The following FNDC1 variants were observed in gnomAD, a reference collection of about 807,000 sequenced individuals.
FNDC1 encodes the protein fibronectin type III domain containing 1, also known as fibronectin type III domain-containing protein 1.
Under a neutral mutation model 168.0 loss-of-function variants are expected in FNDC1, and 96 were observed. The observed-to-expected ratio is 0.57, with a 90% CI of 0.48 to 0.68. The LOEUF is 0.68. Ranked by LOEUF, FNDC1 falls within the 30% of genes least tolerant of loss-of-function variation. The pLI is 0.00. For missense variants in FNDC1, 2,587 were observed against 2,482.1 expected (o/e 1.04, Z -0.90); for synonymous variants, 1,099 against 1,025.9 (o/e 1.07, Z -1.36).
At chr6:159,182,246 T>C (rs1312342572) in intron 1 of FNDC1, among the ~76,000 whole-genome samples, 6 of 152,214 alleles carry the variant, frequency 3.9e-5, no homozygotes, top group Admixed American at 3.9e-4. Context: ...GGAATCTGAC[T>C]TGGGGTCCTT....
chr6:159,179,872 G>A (rs886406821), intron 1 of FNDC1, among the ~76,000 whole-genome samples: 9 of 152,156 alleles, frequency 5.9e-5, no homozygotes, highest in Admixed American at 1.3e-4. Flanking sequence ...TATGTTGACC[G>A]GCCTCCAGCA....
intron 4 of FNDC1, among the ~76,000 whole-genome samples, chr6:159,213,856 G>A (rs1261391771): frequency 6.6e-6 from 1 of 152,180 alleles, no homozygotes; most frequent in Non-Finnish European, 1.5e-5. Context: ...TATTCCTTTT[G>A]GTTAGATTCA....
chr6:159,262,119 T>TC (rs1339730588), intron 19 of FNDC1, among the ~76,000 whole-genome samples: 6 of 151,986 alleles, frequency 3.9e-5, no homozygotes, highest in Admixed American at 3.9e-4. Context: ...AAAACATAGT[T>TC]CCTATGACCT....
In FNDC1 at chr6:159,246,770, G is replaced by T. The variant is rs1272078304; in HGVS notation, c.4622-131G>T. On this transcript the variant is annotated intron_variant, in intron 14 of 22. Transcript: ENST00000297267. Reference sequence around the variant, plus strand: ...ATTTTCCTCCTGAAAAAATTATGGAGACCCTGGCCTTGGGGACTTGTTTTC... The same window carrying T: ...ATTTTCCTCCTGAAAAAATTATGGATACCCTGGCCTTGGGGACTTGTTTTC... The T allele has an allele frequency of 4.7e-6, 3 of 638,826 alleles. No individual in the cohort carries two copies. In the Admixed American group the frequency reaches 8.3e-5, roughly 18 times the overall value. The allele number at this position is 638,826 out of a possible 1,614,324, so 39.6% of individuals were successfully genotyped here. A position where few individuals can be genotyped will look rare whatever the true frequency, so the allele number is the denominator to read the frequency against.
chr6:159,214,233 T>C (rs935548519), intron 4 of FNDC1, among the ~76,000 whole-genome samples: 1 of 152,222 alleles, frequency 6.6e-6, no homozygotes, highest in Non-Finnish European at 1.5e-5. Flanking sequence ...TTATTTGATA[T>C]ACAAGCAAAA....
intron 21 of FNDC1, among the ~76,000 whole-genome samples, chr6:159,266,841 T>G (rs977845270): frequency 6.6e-6 from 1 of 152,212 alleles, no homozygotes; most frequent in Non-Finnish European, 1.5e-5. Flanking sequence ...ATTTGTTCTG[T>G]GTCCTAATAA....
intron 22 of FNDC1, among the ~76,000 whole-genome samples, chr6:159,270,214 C>G (rs1396543358): frequency 6.6e-6 from 1 of 152,054 alleles, no homozygotes; most frequent in Non-Finnish European, 1.5e-5. Context: ...GCAAGTCTGT[C>G]TTGGTTTTGT....
chr6:159,271,536 C>T lies in FNDC1; in HGVS notation c.*94C>T, dbSNP rs887231284. ...AGCAAAGACAGCCAGCGTGCTCAGCCCCGCTGCCCTAGGTGCCAGGAAGGT... is the reference window on the plus strand; with the variant it reads ...AGCAAAGACAGCCAGCGTGCTCAGCTCCGCTGCCCTAGGTGCCAGGAAGGT... On this transcript the variant is annotated 3_prime_UTR_variant, in exon 23 of 23. Coordinates refer to ENST00000297267, the MANE Select transcript of FNDC1 (RefSeq NM_032532.3). 5 of 906,292 alleles carry T rather than the reference C, an allele frequency of 5.5e-6. No homozygotes were observed. In the East Asian group the frequency reaches 1.4e-4, roughly 25 times the overall value. The allele number at this position is 906,292 out of a possible 1,614,324, so 56.1% of individuals were successfully genotyped here. A position where few individuals can be genotyped will look rare whatever the true frequency, so the allele number is the denominator to read the frequency against.
At chr6:159,212,226 C>T (rs1247516575) in intron 4 of FNDC1, among the ~76,000 whole-genome samples, 2 of 152,204 alleles carry the variant, frequency 1.3e-5, no homozygotes, top group Admixed American at 1.3e-4. Flanking sequence ...ATGTGTCCAG[C>T]CAAGTTTGAA....
Position 159,197,503 on chromosome 6 carries a change from C to T in FNDC1, c.182C>T (p.Pro61Leu), listed in dbSNP as rs1183184726. 2.5e-6 allele frequency: 4 copies of T among 1,613,986 alleles called. No homozygotes were observed. The South Asian group carries it at 3.3e-5, about 13-fold the overall frequency. ...ATGGGCCTGAAAGTCACGTGGGACC[C>T]ACCCAAAGATGCTACCAGTAGACCT... ...TKMGLKVTWD[P>L]PKDATSRPVE... The change falls in exon 2 of 23, where the codon CCA (proline) becomes CTA (leucine). Residue 61 changes from proline (P) to leucine (L), a missense_variant. Pro to Leu is a moderately conservative substitution (Grantham distance 98). Transcript: ENST00000297267.
At chr6:159,225,112 T>C (rs1160261520) in intron 7 of FNDC1, among the ~76,000 whole-genome samples, 1 of 152,136 alleles carries the variant, frequency 6.6e-6, no homozygotes, top group Non-Finnish European at 1.5e-5. Context: ...TTTGTCTTTC[T>C]TTTCTGGAGA....
intron 14 of FNDC1, among the ~76,000 whole-genome samples, 171 bp downstream of exon 14, chr6:159,240,128 A>G (rs1783387500): frequency 6.6e-6 from 1 of 152,190 alleles, no homozygotes; most frequent in Non-Finnish European, 1.5e-5. Context: ...TGCCACAGCT[A>G]AGGTTGGAAG....
intron 5 of FNDC1, among the ~76,000 whole-genome samples, chr6:159,219,947 A>T (rs767036509): frequency 6.6e-5 from 10 of 152,188 alleles, no homozygotes; most frequent in Non-Finnish European, 1.0e-4. Flanking sequence ...TAATGAACAG[A>T]TCTGAAGTGA....
intron 7 of FNDC1, among the ~76,000 whole-genome samples, chr6:159,224,215 T>C (rs1782904295): frequency 6.6e-6 from 1 of 152,234 alleles, no homozygotes; most frequent in Non-Finnish European, 1.5e-5. Context: ...TATTCTGCCT[T>C]TTATATTCAT....
In FNDC1 at chr6:159,232,330, G is replaced by A. The variant is rs769365417; in HGVS notation, c.1818G>A (p.Thr606=). The change falls in exon 11 of 23, where the codon ACG becomes ACA. Residue 606 remains threonine, a synonymous_variant. Coordinates refer to ENST00000297267, the MANE Select transcript of FNDC1 (RefSeq NM_032532.3). This position sits in a 1 kb window ranked among gnomAD's most constrained non-coding sequence, Gnocchi z 4.9. Reference sequence around the variant, plus strand: ...ATAAGCCTGGCTTTTCCCTGGCCACGCAGCCCCGCCCAGGGGCGCCCCCCT... The same window carrying A: ...ATAAGCCTGGCTTTTCCCTGGCCACACAGCCCCGCCCAGGGGCGCCCCCCT... ...GVDKPGFSLA[T]QPRPGAPPSA... is the part of the protein sequence containing the mutation. 6.8e-6 allele frequency: 11 copies of A among 1,613,242 alleles called. No individual in the cohort carries two copies. Among genetic ancestry groups the A allele is most frequent in the Non-Finnish European group, 9.3e-6 (11 of 1,179,660 alleles).
In FNDC1 at chr6:159,169,724, C is replaced by A; in HGVS notation, c.109+19C>A. The A allele has an allele frequency of 9.7e-7, 1 of 1,029,304 alleles. No individual in the cohort carries two copies. The highest frequency in any genetic ancestry group is 1.2e-6 in the Non-Finnish European group (1 of 827,016). 63.8% of individuals were successfully genotyped at this position (1,029,304 alleles called of 1,614,324 possible). The stretch of plus-strand genomic sequence containing the variant: ...GCCTCAGGTACGCGCCGCGCCCGGG[C>A]CCCCGGCGCTCCTCAGCTCCCCGCG... On this transcript the variant is annotated intron_variant, in intron 1 of 22. Coordinates refer to ENST00000297267, the MANE Select transcript of FNDC1 (RefSeq NM_032532.3). This position sits in a 1 kb window ranked among gnomAD's most constrained non-coding sequence, Gnocchi z 6.8.
At chr6:159,189,413 C>A (rs1055285716) in intron 1 of FNDC1, among the ~76,000 whole-genome samples, 1 of 152,172 alleles carries the variant, frequency 6.6e-6, no homozygotes, top group African/African-American at 2.4e-5. Context: ...TGGGGTCACA[C>A]GTCCATTACC....
At chr6:159,215,556 T>C (rs1782693385) in intron 5 of FNDC1, among the ~76,000 whole-genome samples, 1 of 152,224 alleles carries the variant, frequency 6.6e-6, no homozygotes. Context: ...CGAGTGAAAC[T>C]GCAAGTCAGG....
chr6:159,227,646 CTTTT>C lies in FNDC1; in HGVS notation c.1180+1078_1180+1081del, dbSNP rs10537794. 3.7e-5 allele frequency among the ~76,000 whole-genome samples: 5 copies of C among 136,006 alleles called. No individual in the cohort carries two copies. In the South Asian group the frequency reaches 6.9e-4, roughly 19 times the overall value. The allele number at this position is 136,006 out of a possible 152,430, so 89.2% of individuals were successfully genotyped here. ...AATAGATTGTACTATTCTTCTTTCT[CTTTT>C]TTTTTTTTTTTGCCATTGGAATAAA... On this transcript the variant is annotated intron_variant, in intron 9 of 22. Coordinates refer to ENST00000297267, the MANE Select transcript of FNDC1 (RefSeq NM_032532.3).
Sources: gnomAD v4.1 joint callset for allele counts (sites outside exome capture counted in the v4.1 genomes callset) on GRCh38, gnomAD v4.1.1 for gene constraint, Gnocchi (gnomAD v3.1) non-coding constraint, MANE v1.5 for transcripts, NCBI Gene and HGNC (gene_info 2026-07-23, HGNC 2026-07-21) for gene names.